The following DYNC1I2 variants were observed in gnomAD, a reference collection of about 807,000 sequenced individuals.
The protein encoded by DYNC1I2 is cytoplasmic dynein 1 intermediate chain 2.
DYNC1I2 carries 53 observed loss-of-function variants against 88.6 expected under a neutral mutation model. That is an observed-to-expected ratio of 0.60 (90% CI 0.48 to 0.75). The LOEUF (loss-of-function observed/expected upper bound fraction) is 0.75, where lower values mean the gene tolerates loss of function less well. DYNC1I2 is among the 30% of genes least tolerant of loss of function. The pLI, the probability that DYNC1I2 is intolerant of heterozygous loss-of-function variation, is 0.00. For synonymous variants in DYNC1I2, 198 were observed against 254.6 expected (o/e 0.78, Z 2.12); for missense variants, 458 against 766.6 (o/e 0.60, Z 4.75).
At chr2:171,739,998 C>T (rs1689307674) in intron 15 of DYNC1I2, among the ~76,000 whole-genome samples, 1 of 152,126 alleles carries the variant, frequency 6.6e-6, no homozygotes, top group Non-Finnish European at 1.5e-5. Flanking sequence ...TTTTGAGCCA[C>T]CAAGCCCAGC....
intron 13 of DYNC1I2, 104 bp from the exon 14 acceptor site, chr2:171,728,613 T>C (rs1688403065): frequency 2.8e-6 from 3 of 1,079,100 alleles, no homozygotes; most frequent in Middle Eastern, 3.2e-4. Context: ...TTTAGATTTA[T>C]GTAAATAATA....
intron 5 of DYNC1I2, among the ~76,000 whole-genome samples, chr2:171,708,585 T>C (rs1686860743): frequency 6.6e-6 from 1 of 152,202 alleles, no homozygotes; most frequent in Admixed American, 6.5e-5. Flanking sequence ...TAAAATAGTA[T>C]GCATTACAGA....
intron 11 of DYNC1I2, 99 bp from the exon 12 acceptor site, chr2:171,727,722 C>A (rs900523518): frequency 1.8e-6 from 2 of 1,127,948 alleles, no homozygotes; most frequent in African/African-American, 1.6e-5. Flanking sequence ...TAATACCATA[C>A]AATGAAGAAA....
At chr2:171,744,463 A>T (rs747608051) in intron 16 of DYNC1I2, among the ~76,000 whole-genome samples, 1 of 152,236 alleles carries the variant, frequency 6.6e-6, no homozygotes, top group African/African-American at 2.4e-5. Flanking sequence ...AGTCTCATTC[A>T]TAAGATAACT....
At chr2:171,747,011 T>C (rs2105794859) in intron 17 of DYNC1I2, among the ~76,000 whole-genome samples, 1 of 151,706 alleles carries the variant, frequency 6.6e-6, no homozygotes, top group East Asian at 1.9e-4. Flanking sequence ...CTGGCCAACA[T>C]GGCAAAACCC....
rs150197039 is a variant in DYNC1I2 at position 171,740,564 on chromosome 2, G to T, written c.1537-3485G>T. ...TGATTTTTTCCCTTTTCTTTAGAGGGTCAGTGTTCCTAGATACACAGGATA... is the reference window on the plus strand; with the variant it reads ...TGATTTTTTCCCTTTTCTTTAGAGGTTCAGTGTTCCTAGATACACAGGATA... On this transcript the variant is annotated intron_variant, in intron 15 of 17. Transcript: ENST00000397119. Among the ~76,000 whole-genome samples, 24 of 152,152 alleles carry T rather than the reference G, an allele frequency of 1.6e-4. 1 individual carries two copies. The highest frequency in any genetic ancestry group is 5.8e-4 in the African/African-American group (24 of 41,516).
At chr2:171,717,122 AT>A (rs1350716300) in intron 7 of DYNC1I2, among the ~76,000 whole-genome samples, 8 of 147,212 alleles carry the variant, frequency 5.4e-5, no homozygotes, top group Non-Finnish European at 1.0e-4. Flanking sequence ...TTGGTATAAC[AT>A]TTTTGTTCAA....
At chr2:171,706,607 A>G (rs1390864231) in intron 4 of DYNC1I2, 43 bp downstream of exon 4, 2 of 1,581,598 alleles carry the variant, frequency 1.3e-6, no homozygotes, top group African/African-American at 2.7e-5. Flanking sequence ...ATTTGCATGC[A>G]TCACTTTATG....
intron 15 of DYNC1I2, among the ~76,000 whole-genome samples, chr2:171,734,048 A>G (rs542250300): frequency 6.6e-6 from 1 of 152,308 alleles, no homozygotes; most frequent in South Asian, 2.1e-4. Flanking sequence ...ATTGTTAAAC[A>G]GGGAATCTAT....
chr2:171,712,576 A>G (rs1200733413), intron 5 of DYNC1I2, 191 bp from the exon 6 acceptor site: 2 of 533,862 alleles, frequency 3.7e-6, no homozygotes, highest in Non-Finnish European at 6.6e-6. Flanking sequence ...AGCCTATTGC[A>G]TGCACTAGAT....
intron 6 of DYNC1I2, among the ~76,000 whole-genome samples, chr2:171,715,047 C>T (rs1372540101): frequency 6.6e-6 from 1 of 152,148 alleles, no homozygotes; most frequent in Non-Finnish European, 1.5e-5. Context: ...TTCCTATTCT[C>T]TTACTTCATT....
intron 5 of DYNC1I2, among the ~76,000 whole-genome samples, chr2:171,711,875 C>T (rs1408309045): frequency 6.6e-6 from 1 of 152,088 alleles, no homozygotes; most frequent in Non-Finnish European, 1.5e-5. Context: ...TTGTGCTTAA[C>T]TTTATTTAGT....
chr2:171,690,941 C>G (rs1685360826), intron 2 of DYNC1I2, among the ~76,000 whole-genome samples: 1 of 152,064 alleles, frequency 6.6e-6, no homozygotes, highest in Non-Finnish European at 1.5e-5. Flanking sequence ...CAGGCACGAG[C>G]CACCACACTC....
At chr2:171,692,716 T>A in intron 2 of DYNC1I2, 61 bp from the exon 3 acceptor site, 1 of 1,228,440 alleles carries the variant, frequency 8.1e-7, no homozygotes, top group South Asian at 1.5e-5. Context: ...ATTTAAAACA[T>A]TTTTGCAAAC....
At chr2:171,728,242 A>T in intron 12 of DYNC1I2, 63 bp from the exon 13 acceptor site, 2 of 972,690 alleles carry the variant, frequency 2.1e-6, no homozygotes, top group Non-Finnish European at 2.9e-6. Flanking sequence ...TTATAATTAG[A>T]CTAAAAATTT....
chr2:171,707,352 T>A lies in DYNC1I2; in HGVS notation c.310T>A (p.Ser104Thr). The A allele has an allele frequency of 1.2e-6, 2 of 1,613,492 alleles. No individual in the cohort carries two copies. The highest frequency in any genetic ancestry group is 1.7e-6 in the Non-Finnish European group (2 of 1,179,696). The change falls in exon 5 of 18, where the codon TCT becomes ACT. Residue 104 changes from serine (S) to threonine (T), a missense_variant. Around this residue, in one of 5 missense-constraint regions of DYNC1I2, gnomAD observed 203 missense variants for 354.2 expected, o/e 0.57. Coordinates refer to ENST00000397119, the MANE Select transcript of DYNC1I2 (RefSeq NM_001378.3). ...STPSEAGSQD[S>T]GDGAVGSRTL... is the part of the protein sequence containing the mutation. ...TCCAAGTGAAGCTGGAAGCCAAGAC[T>A]CTGGAGATGGCGCCGTGGGATCTAG... is the stretch of plus-strand genomic sequence containing the variant.
chr2:171,737,747 C>T (rs1023331178), intron 15 of DYNC1I2, among the ~76,000 whole-genome samples: 4 of 151,942 alleles, frequency 2.6e-5, no homozygotes, highest in Non-Finnish European at 5.9e-5. Context: ...AATCTTTTAC[C>T]CAGTTACAGT....
At chr2:171,714,742 G>A (rs141313563) in intron 6 of DYNC1I2, among the ~76,000 whole-genome samples, 2 of 152,218 alleles carry the variant, frequency 1.3e-5, no homozygotes, top group Non-Finnish European at 2.9e-5. Flanking sequence ...TCTCCATAAT[G>A]TGAATCAAGG....
intron 7 of DYNC1I2, among the ~76,000 whole-genome samples, chr2:171,719,660 C>G (rs1687773102): frequency 6.6e-6 from 1 of 152,136 alleles, no homozygotes; most frequent in Non-Finnish European, 1.5e-5. Context: ...TAACTCTTAC[C>G]TTTCTTTTGT....
Sources: gnomAD v4.1 joint callset for allele counts (sites outside exome capture counted in the v4.1 genomes callset) on GRCh38, gnomAD v4.1.1 for gene constraint, gnomAD v4.1.1 regional missense constraint, MANE v1.5 for transcripts, NCBI Gene and HGNC (gene_info 2026-07-23, HGNC 2026-07-21) for gene names.